OSTN: variants seen among roughly 807,000 people sequenced by gnomAD.
OSTN encodes osteocrin.
In OSTN, 9 loss-of-function variants were observed where a neutral mutation model predicts 12.0. The ratio of observed to expected loss-of-function variants is 0.75; its 90% confidence interval spans 0.45 to 1.30. The LOEUF is 1.30. Among genes scored for constraint, OSTN ranks in the 50% most tolerant of loss-of-function variants. OSTN has a pLI of 0.00. For missense variants in OSTN, 148 were observed against 152.3 expected (o/e 0.97, Z 0.15); for synonymous variants, 59 against 56.9 (o/e 1.04, Z -0.16).
chr3:191,209,201 A>G (rs966257151), intron 1 of OSTN, among the ~76,000 whole-genome samples: 2 of 152,200 alleles, frequency 1.3e-5, no homozygotes, highest in African/African-American at 4.8e-5. Context: ...ATATGAAATC[A>G]TTTTAAAAAT....
In OSTN at chr3:191,250,094, A is replaced by G. The variant is rs749075362; in HGVS notation, c.375A>G (p.Arg125=). 4 of 1,613,590 alleles carry G rather than the reference A, an allele frequency of 2.5e-6. No individual in the cohort carries two copies. Among genetic ancestry groups the G allele is most frequent in the Non-Finnish European group, 3.4e-6 (4 of 1,179,614 alleles). ...GTATCCCCATGGATCGGATTGGTAGAAACCGGCTTTCAAATTCCAGAGGCT... is the reference window on the plus strand; with the variant it reads ...GTATCCCCATGGATCGGATTGGTAGGAACCGGCTTTCAAATTCCAGAGGCT... ...RFGIPMDRIG[R]NRLSNSRG Residue 125 remains arginine (R), a synonymous_variant, in exon 4 of 5, where the codon AGA becomes AGG. Coordinates refer to ENST00000682035, the MANE Select transcript of OSTN (RefSeq NM_198184.2).
intron 3 of OSTN, among the ~76,000 whole-genome samples, chr3:191,228,108 G>T (rs188597440): frequency 1.8e-4 from 27 of 152,228 alleles, no homozygotes; most frequent in Non-Finnish European, 2.9e-4. Context: ...TGTAATTGAT[G>T]ATCTTACTGA....
intron 3 of OSTN, among the ~76,000 whole-genome samples, chr3:191,235,087 A>G (rs1313048000): frequency 5.3e-5 from 8 of 152,190 alleles, no homozygotes. Context: ...ATAAGTCATA[A>G]TCAGAAAAAA....
At chr3:191,248,895 G>A (rs1715497403) in intron 3 of OSTN, among the ~76,000 whole-genome samples, 1 of 152,210 alleles carries the variant, frequency 6.6e-6, no homozygotes, top group Admixed American at 6.5e-5. Context: ...GCTGCAGTAA[G>A]CCATGATCAC....
intron 4 of OSTN, among the ~76,000 whole-genome samples, chr3:191,251,114 C>A (rs11718604): frequency 0.1 from 15,432 of 151,888 alleles, 1,104 homozygotes; most frequent in Non-Finnish European, 0.15. Flanking sequence ...TATAATAGTA[C>A]CTGAGATGTT....
At chr3:191,215,029 A>C (rs1714571782) in intron 2 of OSTN, among the ~76,000 whole-genome samples, 1 of 152,202 alleles carries the variant, frequency 6.6e-6, no homozygotes, top group Non-Finnish European at 1.5e-5. Flanking sequence ...CACAACAAAA[A>C]ACTGCCCAAG....
chr3:191,238,036 T>C (rs1435330863), intron 3 of OSTN, among the ~76,000 whole-genome samples: 2 of 152,184 alleles, frequency 1.3e-5, no homozygotes, highest in Non-Finnish European at 2.9e-5. Flanking sequence ...TCTAATTTGT[T>C]GTGAAGAAAT....
rs79716622 is a variant in OSTN, at chr3:191,261,224, G to A, written c.*13-1642G>A. Among the ~76,000 whole-genome samples the A allele has an allele frequency of 3.8e-3, 579 of 152,164 alleles. 2 individuals are homozygous for A. The highest frequency in any genetic ancestry group is 0.013 in the African/African-American group (543 of 41,496). ...GGTTTGCCGAAAATCACTGACATGCGGCAGATGTAAGATTAAAAGGAGAAG... is the reference window on the plus strand; with the variant it reads ...GGTTTGCCGAAAATCACTGACATGCAGCAGATGTAAGATTAAAAGGAGAAG... On this transcript the variant is annotated intron_variant, in intron 4 of 4. Coordinates refer to ENST00000682035, the MANE Select transcript of OSTN (RefSeq NM_198184.2).
chr3:191,226,662 C>CT (rs980504226), intron 3 of OSTN, among the ~76,000 whole-genome samples: 4 of 152,200 alleles, frequency 2.6e-5, no homozygotes, highest in East Asian at 1.9e-4. Context: ...ATTATATAGT[C>CT]TTTTTTTACA....
chr3:191,260,172 T>C (rs1715774607), intron 4 of OSTN, among the ~76,000 whole-genome samples: 1 of 152,002 alleles, frequency 6.6e-6, no homozygotes, highest in Admixed American at 6.6e-5. Context: ...AATTTAATCT[T>C]CGCATCAATT....
intron 4 of OSTN, among the ~76,000 whole-genome samples, chr3:191,253,788 A>G (rs936709538): frequency 1.2e-4 from 19 of 152,256 alleles, no homozygotes; most frequent in African/African-American, 4.6e-4. Context: ...CAAATTCTCT[A>G]CAGATCTACA....
chr3:191,265,304 T>A lies in OSTN; in HGVS notation c.*2451T>A, dbSNP rs896076110. ...TGAACCTTTATAGAGCAAATGAATA[T>A]ATGTATATGGAGTTCTGGGTTCTAG... On this transcript the variant is annotated 3_prime_UTR_variant, in exon 5 of 5. Coordinates refer to ENST00000682035, the MANE Select transcript of OSTN (RefSeq NM_198184.2). 1 of 152,212 alleles carries A rather than the reference T, an allele frequency of 6.6e-6. No homozygotes were observed. The highest frequency in any genetic ancestry group is 1.5e-5 in the Non-Finnish European group (1 of 68,008). The allele number at this position is 152,212 out of a possible 1,614,324, so 9.4% of individuals were successfully genotyped here.
At chr3:191,208,019 T>TA (rs1301388663) in intron 1 of OSTN, among the ~76,000 whole-genome samples, 1 of 152,196 alleles carries the variant, frequency 6.6e-6, no homozygotes, top group Non-Finnish European at 1.5e-5. Context: ...TCCAATTGTC[T>TA]AAAAAATGAA....
rs1014091086 is a variant in OSTN at position 191,224,410 on chromosome 3, T to C, written c.317+5449T>C. Reference sequence around the variant, plus strand: ...AAAAAAAAAAGAAACATATTAATAATAGAAGAGCTTAATTAATTGTTTAAA... The same window carrying C: ...AAAAAAAAAAGAAACATATTAATAACAGAAGAGCTTAATTAATTGTTTAAA... On this transcript the variant is annotated intron_variant, in intron 3 of 4. Coordinates refer to ENST00000682035, the MANE Select transcript of OSTN (RefSeq NM_198184.2). 3.3e-5 allele frequency among the ~76,000 whole-genome samples: 5 copies of C among 150,070 alleles called. No individual in the cohort carries two copies. The South Asian group carries it at 6.3e-4, about 19-fold the overall frequency.
chr3:191,216,836 G>T (rs749845919), intron 2 of OSTN, among the ~76,000 whole-genome samples: 2 of 152,178 alleles, frequency 1.3e-5, no homozygotes, highest in Non-Finnish European at 2.9e-5. Context: ...TTCAACAAGT[G>T]TCTAGGAAGT....
intron 2 of OSTN, 136 bp downstream of exon 2, chr3:191,212,770 C>CTT (rs10635852): frequency 0.37 from 62,309 of 168,758 alleles, 13,357 homozygotes; most frequent in African/African-American, 0.61. Context: ...TATATCATAT[C>CTT]ATATATTTTA....
At chr3:191,224,060 A>C (rs1261587385) in intron 3 of OSTN, among the ~76,000 whole-genome samples, 2 of 152,180 alleles carry the variant, frequency 1.3e-5, no homozygotes, top group Non-Finnish European at 2.9e-5. Flanking sequence ...AGAAACTACA[A>C]AGAATGCCAG....
At chr3:191,232,601 CAT>C (rs1560119740) in intron 3 of OSTN, among the ~76,000 whole-genome samples, 3 of 134,278 alleles carry the variant, frequency 2.2e-5, no homozygotes, top group Non-Finnish European at 3.2e-5. Context: ...GTGACTAAAT[CAT>C]TTTTTTTTTT....
intron 4 of OSTN, among the ~76,000 whole-genome samples, chr3:191,260,758 C>CA (rs1715789874): frequency 6.6e-6 from 1 of 152,134 alleles, no homozygotes; most frequent in South Asian, 2.1e-4. Context: ...AGTCAGATGT[C>CA]AAGCTCTCCA....
Sources: allele counts gnomAD v4.1 joint callset (sites outside exome capture counted in the v4.1 genomes callset), GRCh38; gene constraint gnomAD v4.1.1; transcripts MANE v1.5; gene names NCBI Gene and HGNC (gene_info 2026-07-23, HGNC 2026-07-21).